UGT2B10: variants seen among roughly 807,000 people sequenced by gnomAD.
UGT2B10 encodes UDP-glucuronosyltransferase 2B10.
In UGT2B10, 51 loss-of-function variants were observed where a neutral mutation model predicts 43.7. The observed-to-expected ratio is 1.17, with a 90% CI of 0.93 to 1.47. The LOEUF (loss-of-function observed/expected upper bound fraction) is 1.47, where lower values mean the gene tolerates loss of function less well. UGT2B10 is among the 40% of genes most tolerant of loss of function. UGT2B10 has a pLI of 0.00. For synonymous variants in UGT2B10, 225 were observed against 209.0 expected (o/e 1.08, Z -0.66); for missense variants, 696 against 617.7 (o/e 1.13, Z -1.34).
Position 68,816,269 on chromosome 4 carries a change from G to T in UGT2B10, c.250G>T (p.Glu84Ter). Residue 84 changes from glutamate (E) to a stop codon, truncating the protein, a stop_gained, in exon 1 of 6, where the codon GAA (glutamate) becomes TAA (stop). Transcript: ENST00000265403. LOFTEE classifies it high-confidence loss of function. ...EVYPTSLTKT[E>*]FENIIMQLVK... Reference sequence around the variant, plus strand: ...TTATCCTACATCTTTAACTAAAACTGAATTTGAGAATATCATCATGCAATT... The same window carrying T: ...TTATCCTACATCTTTAACTAAAACTTAATTTGAGAATATCATCATGCAATT... 1.2e-6 allele frequency: 2 copies of T among 1,613,064 alleles called. No homozygotes were observed. Among genetic ancestry groups the T allele is most frequent in the Non-Finnish European group, 1.7e-6 (2 of 1,179,414 alleles).
In UGT2B10 at chr4:68,831,347, C is replaced by G. The variant is rs1480262047; in HGVS notation, c.*468C>G. Among the ~76,000 whole-genome samples, 1 of 152,016 alleles carries G rather than the reference C, an allele frequency of 6.6e-6. No homozygotes were observed. Among genetic ancestry groups the G allele is most frequent in the Admixed American group, 6.6e-5 (1 of 15,236 alleles). On this transcript the variant is annotated 3_prime_UTR_variant, in exon 6 of 6. Coordinates refer to ENST00000265403, the MANE Select transcript of UGT2B10 (RefSeq NM_001075.6). ...GGCTCAAACAATCCTCCCATTTTAG[C>G]ATCCCAAAGGGATGAGATTACAGGT...
intron 5 of UGT2B10, among the ~76,000 whole-genome samples, chr4:68,828,529 A>T (rs1466306479): frequency 6.6e-6 from 1 of 152,018 alleles, no homozygotes; most frequent in Non-Finnish European, 1.5e-5. Context: ...CAACTTGGAC[A>T]AATAGAAAAG....
intron 2 of UGT2B10, among the ~76,000 whole-genome samples, chr4:68,819,005 G>A (rs182479122): frequency 1.3e-5 from 2 of 151,946 alleles, no homozygotes; most frequent in East Asian, 1.9e-4. Context: ...TGTAAAGACC[G>A]AAACATTCAG....
Position 68,818,024 on chromosome 4 carries a change from A to C in UGT2B10, c.719-5A>C. 1 of 1,603,108 alleles carries C rather than the reference A, an allele frequency of 6.2e-7. No homozygotes were observed. ...TCCACTTCTTCTTTTCTTTATTCCT[A>C]TCAGGAAGACCCACTACATTATCTG... On this transcript the variant is annotated splice_polypyrimidine_tract_variant and splice_region_variant and intron_variant, in intron 1 of 5. Coordinates refer to ENST00000265403, the MANE Select transcript of UGT2B10 (RefSeq NM_001075.6).
At chr4:68,818,690 G>C (rs539734966) in intron 2 of UGT2B10, among the ~76,000 whole-genome samples, 1 of 151,776 alleles carries the variant, frequency 6.6e-6, no homozygotes, top group South Asian at 2.1e-4. Context: ...TGATGAGTAC[G>C]ATGAGAGCTG....
intron 4 of UGT2B10, 85 bp from the exon 5 acceptor site, chr4:68,827,244 G>A: frequency 6.3e-7 from 1 of 1,599,850 alleles, no homozygotes; most frequent in South Asian, 1.1e-5. Flanking sequence ...GTGTTATCTA[G>A]AAAACACTGT....
Position 68,816,082 on chromosome 4 carries a change from T to G in UGT2B10, c.63T>G (p.Ser21Arg), listed in dbSNP as rs1003436381. The G allele has an allele frequency of 6.2e-7, 1 of 1,612,904 alleles. No homozygotes were observed. Among genetic ancestry groups the G allele is most frequent in the East Asian group, 2.2e-5 (1 of 44,814 alleles). ...IQLSFYFSSG[S>R]CGKVLVWAAE... ...TCAGTTTTTACTTTAGCTCTGGGAGTTGTGGAAAGGTGCTGGTATGGGCCG... is the reference window on the plus strand; with the variant it reads ...TCAGTTTTTACTTTAGCTCTGGGAGGTGTGGAAAGGTGCTGGTATGGGCCG... The change falls in exon 1 of 6, where the codon AGT (serine) becomes AGG (arginine). Residue 21 changes from serine (S) to arginine (R), a missense_variant. Transcript: ENST00000265403.
intron 3 of UGT2B10, 137 bp downstream of exon 3, chr4:68,822,539 T>C: frequency 2.6e-6 from 4 of 1,542,258 alleles, no homozygotes; most frequent in Non-Finnish European, 3.5e-6. Flanking sequence ...TTGTATAGCA[T>C]CCACTGACAG....
At position 68,818,136 on chromosome 4, in the gene UGT2B10, G is replaced by A. The variant is rs1187561675; in HGVS notation, c.826G>A (p.Val276Ile). 4.3e-6 allele frequency: 7 copies of A among 1,611,272 alleles called. No individual in the cohort carries two copies. Among genetic ancestry groups the A allele is most frequent in the Non-Finnish European group, 5.9e-6 (7 of 1,178,360 alleles). The part of the protein sequence containing the change: ...PHPFLPNVDF[V>I]GGLHCKPAKP... ...TCCATTCTTACCAAATGTTGATTTT[G>A]TTGGAGGACTCCACTGCAAACCTGC... The change falls in exon 2 of 6, where the codon GTT becomes ATT. Residue 276 changes from valine to isoleucine, a missense_variant. Coordinates refer to ENST00000265403, the MANE Select transcript of UGT2B10 (RefSeq NM_001075.6).
At chr4:68,826,250 A>G (rs554022290) in intron 3 of UGT2B10, among the ~76,000 whole-genome samples, 160 bp from the exon 4 acceptor site, 3 of 152,308 alleles carry the variant, frequency 2.0e-5, no homozygotes, top group African/African-American at 7.2e-5. Context: ...ATCATTATAA[A>G]AGTTCAGAAA....
intron 5 of UGT2B10, 90 bp from the exon 6 acceptor site, chr4:68,830,510 A>G (rs1385433552): frequency 7.2e-7 from 1 of 1,391,076 alleles, no homozygotes; most frequent in African/African-American, 1.5e-5. Context: ...ACTTTGAATT[A>G]TTTGACACTT....
chr4:68,817,341 A>C (rs1047230231), intron 1 of UGT2B10, among the ~76,000 whole-genome samples: 3 of 151,774 alleles, frequency 2.0e-5, no homozygotes, highest in African/African-American at 7.2e-5. Flanking sequence ...ATCTTGTTGA[A>C]GTGTGAAGGT....
intron 3 of UGT2B10, 109 bp from the exon 4 acceptor site, chr4:68,826,301 A>G: frequency 2.4e-6 from 3 of 1,230,134 alleles, no homozygotes; most frequent in Non-Finnish European, 3.4e-6. Flanking sequence ...CTTTGAGTAG[A>G]TTTATTTACT....
intron 2 of UGT2B10, among the ~76,000 whole-genome samples, chr4:68,819,666 A>G (rs1385829192): frequency 1.3e-5 from 2 of 151,998 alleles, no homozygotes; most frequent in Non-Finnish European, 2.9e-5. Flanking sequence ...TCGTCTTGAC[A>G]TCATAGGTGT....
chr4:68,830,029 T>C (rs916849439), intron 5 of UGT2B10, among the ~76,000 whole-genome samples: 20 of 152,018 alleles, frequency 1.3e-4, no homozygotes, highest in African/African-American at 4.1e-4. Context: ...GGCATGTCAC[T>C]CACCATGATA....
At chr4:68,820,945 TGC>T (rs1467344665) in intron 2 of UGT2B10, among the ~76,000 whole-genome samples, 2 of 152,094 alleles carry the variant, frequency 1.3e-5, no homozygotes, top group African/African-American at 2.4e-5. Context: ...CCTTCAACAC[TGC>T]ATAGAAAAAC....
rs544230492 is a variant in UGT2B10, at chr4:68,825,294, C to CTT, written c.1000-1110_1000-1109dup. On this transcript the variant is annotated intron_variant, in intron 3 of 5. Coordinates refer to ENST00000265403, the MANE Select transcript of UGT2B10 (RefSeq NM_001075.6). ...CAATGACTCCCTATAATTTTTTATA[C>CTT]TTTTTTTATAATATTTTTATTTTTT... is the stretch of plus-strand genomic sequence containing the variant. 6.1e-3 allele frequency among the ~76,000 whole-genome samples: 915 copies of CTT among 151,072 alleles called. 6 individuals are homozygous for CTT. Among genetic ancestry groups the CTT allele is most frequent in the African/African-American group, 0.021 (878 of 41,314 alleles).
intron 2 of UGT2B10, among the ~76,000 whole-genome samples, chr4:68,821,333 G>T: frequency 6.6e-6 from 1 of 152,122 alleles, no homozygotes; most frequent in Admixed American, 6.6e-5. Flanking sequence ...TGTGGTGTGC[G>T]TGAGCTACTC....
intron 4 of UGT2B10, 138 bp from the exon 5 acceptor site, chr4:68,827,191 T>A: frequency 7.0e-7 from 1 of 1,420,478 alleles, no homozygotes. Context: ...AAGTACCTGT[T>A]TTTTCCTCTG....
Sources: gnomAD v4.1 joint callset for allele counts (sites outside exome capture counted in the v4.1 genomes callset) on GRCh38, gnomAD v4.1.1 for gene constraint, MANE v1.5 for transcripts, NCBI Gene and HGNC (gene_info 2026-07-23, HGNC 2026-07-21) for gene names.